The following KHDRBS2 variants were observed in gnomAD, a reference collection of about 807,000 sequenced individuals.
The protein encoded by KHDRBS2 is KH domain-containing, RNA-binding, signal transduction-associated protein 2.
A neutral mutation model predicts 44.3 loss-of-function variants in KHDRBS2; 26 were observed. The observed-to-expected ratio is 0.59, with a 90% CI of 0.43 to 0.81. The LOEUF is 0.81. KHDRBS2 is among the 40% of genes least tolerant of loss of function. KHDRBS2 has a pLI of 0.00. For synonymous variants in KHDRBS2, 194 were observed against 151.1 expected (o/e 1.28, Z -2.08); for missense variants, 476 against 433.1 (o/e 1.10, Z -0.88).
intron 2 of KHDRBS2, among the ~76,000 whole-genome samples, chr6:62,098,533 ATT>A: frequency 1.3e-5 from 2 of 152,098 alleles, no homozygotes; most frequent in South Asian, 4.1e-4. Flanking sequence ...GAACTTCCGT[ATT>A]AAATATTTGC....
the KHDRBS2 span, among the ~76,000 whole-genome samples, chr6:61,615,265 A>AAAAAAAC: frequency 6.6e-6 from 1 of 151,384 alleles, no homozygotes; most frequent in Non-Finnish European, 1.5e-5. Context: ...AGAAAAAAGA[A>AAAAAAAC]AAAAAACAAG....
intron 3 of KHDRBS2, among the ~76,000 whole-genome samples, chr6:62,018,188 T>C (rs1781569611): frequency 6.6e-6 from 1 of 150,400 alleles, no homozygotes; most frequent in South Asian, 2.1e-4. Flanking sequence ...CGTCTCAAAA[T>C]ATACAAATAT....
intron 7 of KHDRBS2, among the ~76,000 whole-genome samples, chr6:61,711,423 A>G (rs867461031): frequency 5.9e-5 from 9 of 151,974 alleles, no homozygotes; most frequent in Non-Finnish European, 7.4e-5. Context: ...AGCTTAAACA[A>G]CAAGGTGAAA....
intron 2 of KHDRBS2, among the ~76,000 whole-genome samples, chr6:62,060,303 G>A (rs1791459268): frequency 6.6e-6 from 1 of 151,762 alleles, no homozygotes; most frequent in African/African-American, 2.4e-5. Context: ...GGGTGAGTGG[G>A]AAGTAGGCTG....
At chr6:62,267,869 T>C (rs1299260041) in intron 1 of KHDRBS2, among the ~76,000 whole-genome samples, 4 of 152,052 alleles carry the variant, frequency 2.6e-5, no homozygotes, top group Non-Finnish European at 4.4e-5. Flanking sequence ...AATTTCAAAA[T>C]TGTTTTGCTT....
Position 62,285,785 on chromosome 6 carries a change from T to C in KHDRBS2, c.91+73A>G, listed in dbSNP as rs1585628934. On this transcript the variant is annotated intron_variant, in intron 1 of 8. Transcript: ENST00000281156. ...CGGGGAGAGGAGTCCCTCCCCAACTTCACTCCCCTAATCAAGCCGCGGGTG... is the reference window on the plus strand; with the variant it reads ...CGGGGAGAGGAGTCCCTCCCCAACTCCACTCCCCTAATCAAGCCGCGGGTG... 2.9e-6 allele frequency: 3 copies of C among 1,025,542 alleles called. No individual in the cohort carries two copies. The African/African-American group carries it at 4.9e-5, about 17-fold the overall frequency. 63.5% of individuals were successfully genotyped at this position (1,025,542 alleles called of 1,614,324 possible). A position where few individuals can be genotyped will look rare whatever the true frequency, so the allele number is the denominator to read the frequency against.
At chr6:61,615,907 C>T in the KHDRBS2 span, among the ~76,000 whole-genome samples, 1 of 152,136 alleles carries the variant, frequency 6.6e-6, no homozygotes, top group African/African-American at 2.4e-5. Flanking sequence ...CTAGCTTAGG[C>T]ATTTGTAGTA....
chr6:61,799,092 G>C (rs1785838820), intron 6 of KHDRBS2, among the ~76,000 whole-genome samples: 1 of 152,004 alleles, frequency 6.6e-6, no homozygotes, highest in Non-Finnish European at 1.5e-5. Context: ...TGAGGCATCA[G>C]TCGTGAATTA....
chr6:62,054,375 G>T (rs1789790645), intron 2 of KHDRBS2, among the ~76,000 whole-genome samples: 1 of 152,058 alleles, frequency 6.6e-6, no homozygotes, highest in East Asian at 1.9e-4. Flanking sequence ...ACAGACTCCT[G>T]TGTATGTTAA....
intron 6 of KHDRBS2, among the ~76,000 whole-genome samples, chr6:61,767,528 TC>T (rs1204317058): frequency 6.6e-6 from 1 of 151,992 alleles, no homozygotes; most frequent in Non-Finnish European, 1.5e-5. Flanking sequence ...CATCTTTTCC[TC>T]CCTCCCTTTC....
At chr6:61,565,339 T>C in the KHDRBS2 span, among the ~76,000 whole-genome samples, 1 of 151,874 alleles carries the variant, frequency 6.6e-6, no homozygotes, top group Non-Finnish European at 1.5e-5. Context: ...GCTATAAAGC[T>C]TCTGCACAAC....
At chr6:62,201,990 ACT>A (rs1256833612) in intron 1 of KHDRBS2, among the ~76,000 whole-genome samples, 4 of 151,912 alleles carry the variant, frequency 2.6e-5, no homozygotes, top group African/African-American at 4.8e-5. Flanking sequence ...AGGGTTGAAA[ACT>A]CTAAGTAATT....
the KHDRBS2 span, among the ~76,000 whole-genome samples, chr6:61,607,465 A>G: frequency 3.3e-5 from 5 of 149,378 alleles, no homozygotes; most frequent in South Asian, 4.2e-4. Flanking sequence ...TAAAAGAGGA[A>G]TATAAAAATA....
intron 6 of KHDRBS2, among the ~76,000 whole-genome samples, chr6:61,750,760 TAAA>T (rs61576563): frequency 8.6e-6 from 1 of 116,494 alleles, no homozygotes. Flanking sequence ...GAGAAAAAAG[TAAA>T]AAAAAAAAAA....
At chr6:61,850,012 C>T (rs1324651614) in intron 6 of KHDRBS2, among the ~76,000 whole-genome samples, 1 of 152,088 alleles carries the variant, frequency 6.6e-6, no homozygotes, top group Non-Finnish European at 1.5e-5. Context: ...CCCACAAATG[C>T]TTTCTAAAAT....
intron 6 of KHDRBS2, among the ~76,000 whole-genome samples, chr6:61,843,191 G>A (rs1793852168): frequency 6.6e-6 from 1 of 151,896 alleles, no homozygotes; most frequent in South Asian, 2.1e-4. Flanking sequence ...GGAATGGGAC[G>A]TGACTGCTAA....
chr6:62,086,674 G>A (rs1798443292), intron 2 of KHDRBS2, among the ~76,000 whole-genome samples: 1 of 152,182 alleles, frequency 6.6e-6, no homozygotes, highest in African/African-American at 2.4e-5. Flanking sequence ...GAAGCAAGTT[G>A]TCTGACAAAG....
chr6:61,901,374 G>A lies in KHDRBS2; in HGVS notation c.484-3C>T, dbSNP rs1328987197. The A allele has an allele frequency of 1.2e-6, 2 of 1,608,150 alleles. No homozygotes were observed. Among genetic ancestry groups the A allele is most frequent in the Admixed American group, 3.4e-5 (2 of 59,510 alleles). ...TGACGAATTTCATCATTGTAGTCCTGGAGAAAAAACATGATGTGATGAGTT... is the reference window on the plus strand; with the variant it reads ...TGACGAATTTCATCATTGTAGTCCTAGAGAAAAAACATGATGTGATGAGTT... On this transcript the variant is annotated splice_region_variant and splice_polypyrimidine_tract_variant and intron_variant, in intron 4 of 8. Coordinates refer to ENST00000281156, the MANE Select transcript of KHDRBS2 (RefSeq NM_152688.4).
intron 6 of KHDRBS2, among the ~76,000 whole-genome samples, chr6:61,853,192 C>T (rs1795700616): frequency 6.6e-6 from 1 of 152,160 alleles, no homozygotes; most frequent in South Asian, 2.1e-4. Context: ...TTCTCTGCTT[C>T]TTGGGCATTA....
Sources: gnomAD v4.1 joint callset for allele counts (sites outside exome capture counted in the v4.1 genomes callset) on GRCh38, gnomAD v4.1.1 for gene constraint, MANE v1.5 for transcripts, NCBI Gene and HGNC (gene_info 2026-07-23, HGNC 2026-07-21) for gene names.